SLC17A1: variants seen among roughly 807,000 people sequenced by gnomAD.
The protein encoded by SLC17A1 is sodium-dependent phosphate transport protein 1.
Under a neutral mutation model 53.5 loss-of-function variants are expected in SLC17A1, and 51 were observed. That is an observed-to-expected ratio of 0.95 (90% CI 0.76 to 1.20). SLC17A1 has a LOEUF of 1.20. Among genes scored for constraint, SLC17A1 ranks in the 50% most tolerant of loss-of-function variants. The pLI, the probability that SLC17A1 is intolerant of heterozygous loss-of-function variation, is 0.00. For synonymous variants in SLC17A1, 179 were observed against 198.8 expected, an observed-to-expected ratio of 0.90 and a Z score of 0.84; for missense variants, 538 against 568.2, an observed-to-expected ratio of 0.95 and a Z score of 0.54.
Position 25,819,126 on chromosome 6 carries a change from T to C in SLC17A1, c.558A>G (p.Leu186=), listed in dbSNP as rs1764457548. 1 of 1,610,456 alleles carries C rather than the reference T, an allele frequency of 6.2e-7. No homozygotes were observed. The highest frequency in any genetic ancestry group is 1.3e-5 in the African/African-American group (1 of 74,770). Residue 186 remains leucine, a synonymous_variant, in exon 6 of 13, where the codon CTA becomes CTG. Transcript: ENST00000244527. ...SGFLLGPFIV[L]LVTGVICESL... ...ATTCACAGATAACTCCAGTCACAAGTAGGACAATAAAGGGTCCCAGCAAAA... is the reference window on the plus strand; with the variant it reads ...ATTCACAGATAACTCCAGTCACAAGCAGGACAATAAAGGGTCCCAGCAAAA...
intron 8 of SLC17A1, 87 bp from the exon 9 acceptor site, chr6:25,811,857 T>C: frequency 2.1e-6 from 3 of 1,395,836 alleles, no homozygotes; most frequent in East Asian, 2.3e-5. Flanking sequence ...AAATTTATTA[T>C]CTAAAATGTG....
the SLC17A1 span, among the ~76,000 whole-genome samples, chr6:25,775,461 C>T: frequency 2.9e-3 from 440 of 152,082 alleles, 1 homozygote; most frequent in Middle Eastern, 6.8e-3. Flanking sequence ...TTTGAGACAA[C>T]GTCTCACTGT....
chr6:25,741,575 C>T, the SLC17A1 span, among the ~76,000 whole-genome samples: 2 of 151,920 alleles, frequency 1.3e-5, no homozygotes, highest in Non-Finnish European at 2.9e-5. Flanking sequence ...ATTAGCTGGG[C>T]GTGGTCATGG....
intron 6 of SLC17A1, 82 bp from the exon 7 acceptor site, chr6:25,813,295 A>T (rs776069752): frequency 5.3e-5 from 60 of 1,131,984 alleles, no homozygotes; most frequent in Non-Finnish European, 5.4e-5. Context: ...TCAATGTATC[A>T]GTCTGAGAAA....
chr6:25,794,025 T>C (rs566210892), intron 12 of SLC17A1, among the ~76,000 whole-genome samples: 1 of 152,318 alleles, frequency 6.6e-6, no homozygotes, highest in African/African-American at 2.4e-5. Context: ...TTCTTAATTT[T>C]GGGAAGTTCA....
At chr6:25,802,194 AT>A (rs1561829576) in intron 10 of SLC17A1, among the ~76,000 whole-genome samples, 2 of 152,050 alleles carry the variant, frequency 1.3e-5, no homozygotes, top group Non-Finnish European at 2.9e-5. Context: ...ACATTAAATC[AT>A]TTTCTTCCAC....
chr6:25,831,831 C>T (rs1764960512), intron 1 of SLC17A1, among the ~76,000 whole-genome samples, 163 bp downstream of exon 1: 1 of 152,102 alleles, frequency 6.6e-6, no homozygotes, highest in Non-Finnish European at 1.5e-5. Context: ...GTTCTTTTTT[C>T]TCTTGTGAAA....
At chr6:25,825,695 A>G (rs1362447900) in intron 3 of SLC17A1, among the ~76,000 whole-genome samples, 2 of 151,874 alleles carry the variant, frequency 1.3e-5, no homozygotes, top group Non-Finnish European at 2.9e-5. Flanking sequence ...GATGTTTGTC[A>G]TTAATTATGG....
At chr6:25,745,268 A>G in the SLC17A1 span, among the ~76,000 whole-genome samples, 19 of 152,276 alleles carry the variant, frequency 1.2e-4, 1 homozygote, top group East Asian at 1.5e-3. Context: ...ATATACAGAA[A>G]TGTTAGTGGA....
chr6:25,802,102 T>A (rs1190835844), intron 10 of SLC17A1, among the ~76,000 whole-genome samples: 1 of 152,218 alleles, frequency 6.6e-6, no homozygotes. Flanking sequence ...ACTTTTGCTT[T>A]CATGAACCTC....
Position 25,826,626 on chromosome 6 carries a change from A to C in SLC17A1, c.42T>G (p.Gly14=). The change falls in exon 3 of 13, where the codon GGT becomes GGG. Residue 14 remains glycine (G), a synonymous_variant. Coordinates refer to ENST00000244527, the MANE Select transcript of SLC17A1 (RefSeq NM_005074.5). ...DNRLPPKKVP[G]FCSFRYGLSF... ...ACAATCCATAGCGAAAGGAACAGAA[A>C]CCTGGAACTACAAAGTAAAACAGAA... The C allele has an allele frequency of 1.3e-6, 2 of 1,564,442 alleles. No individual in the cohort carries two copies. Among genetic ancestry groups the C allele is most frequent in the Non-Finnish European group, 1.7e-6 (2 of 1,152,872 alleles).
At chr6:25,822,303 G>A (rs1764590817) in intron 3 of SLC17A1, among the ~76,000 whole-genome samples, 1 of 151,494 alleles carries the variant, frequency 6.6e-6, no homozygotes, top group Admixed American at 6.6e-5. Flanking sequence ...TCATTCATCT[G>A]CTCTCCAAGC....
the SLC17A1 span, among the ~76,000 whole-genome samples, chr6:25,734,937 G>A: frequency 6.6e-6 from 1 of 152,276 alleles, no homozygotes; most frequent in East Asian, 1.9e-4. Context: ...CAACTGCAGG[G>A]CAATGCCCCA....
intron 10 of SLC17A1, among the ~76,000 whole-genome samples, chr6:25,810,168 A>G (rs988290016): frequency 3.9e-5 from 6 of 152,150 alleles, no homozygotes; most frequent in African/African-American, 9.7e-5. Flanking sequence ...TACTAGAAGA[A>G]AACAGGGGAC....
At chr6:25,826,390 C>G (rs1371430096) in intron 3 of SLC17A1, 71 bp downstream of exon 3, 6 of 1,291,080 alleles carry the variant, frequency 4.6e-6, no homozygotes, top group Non-Finnish European at 5.4e-6. Context: ...CAGTACAATT[C>G]CATATCTACA....
the SLC17A1 span, among the ~76,000 whole-genome samples, chr6:25,754,145 T>C: frequency 2.0e-5 from 3 of 152,088 alleles, no homozygotes; most frequent in African/African-American, 7.2e-5. Context: ...GGCTGTCTTG[T>C]TGCTGATGGA....
intron 6 of SLC17A1, among the ~76,000 whole-genome samples, chr6:25,815,132 T>A (rs1764301581): frequency 7.8e-6 from 1 of 127,398 alleles, no homozygotes. Context: ...AGAAACATAC[T>A]GGAAGGAAGA....
At chr6:25,801,042 CT>C (rs1445079211) in intron 10 of SLC17A1, 62 bp from the exon 11 acceptor site, 2 of 890,334 alleles carry the variant, frequency 2.2e-6, no homozygotes, top group African/African-American at 3.3e-5. Context: ...AAATGCAAAC[CT>C]AATCAAATGA....
At chr6:25,782,166 T>A (rs567006777), downstream of SLC17A1, among the ~76,000 whole-genome samples, 1 of 152,260 alleles carries the variant, frequency 6.6e-6, no homozygotes, top group South Asian at 2.1e-4. Context: ...GTGCAAGATC[T>A]AGGGAGGGTC....
Sources: allele counts gnomAD v4.1 joint callset (sites outside exome capture counted in the v4.1 genomes callset), GRCh38; gene constraint gnomAD v4.1.1; transcripts MANE v1.5; gene names NCBI Gene and HGNC (gene_info 2026-07-23, HGNC 2026-07-21).